Variants in RANGAP1 observed in about 807,000 individuals in gnomAD.
The protein encoded by RANGAP1 is ran GTPase-activating protein 1.
A neutral mutation model predicts 63.5 loss-of-function variants in RANGAP1; 38 were observed. That is an observed-to-expected ratio of 0.60 (90% CI 0.46 to 0.78). RANGAP1 has a LOEUF of 0.78. Among genes scored for constraint, RANGAP1 ranks in the 30% least tolerant of loss-of-function variants. The pLI, the probability that RANGAP1 is intolerant of heterozygous loss-of-function variation, is 0.00. For missense variants in RANGAP1, 630 were observed against 740.3 expected (o/e 0.85, Z 1.73); for synonymous variants, 329 against 310.5 (o/e 1.06, Z -0.63).
chr22:41,301,019 C>CA, the RANGAP1 span, among the ~76,000 whole-genome samples: 1 of 152,152 alleles, frequency 6.6e-6, no homozygotes, highest in Non-Finnish European at 1.5e-5. Context: ...AAACCCACTG[C>CA]AGTGGTCCCT....
At chr22:41,256,905 T>A in intron 7 of RANGAP1, 81 bp from the exon 8 acceptor site, 1 of 1,047,406 alleles carries the variant, frequency 9.5e-7, no homozygotes, top group Non-Finnish European at 1.4e-6. Context: ...CCCCACACGG[T>A]CACATCCCAA....
intron 10 of RANGAP1, among the ~76,000 whole-genome samples, chr22:41,255,083 G>C (rs2033738081): frequency 6.6e-6 from 1 of 151,964 alleles, no homozygotes; most frequent in Admixed American, 6.6e-5. Flanking sequence ...GTCACACCTA[G>C]AGCCCAGGGC....
the RANGAP1 span, among the ~76,000 whole-genome samples, chr22:41,295,461 A>G: frequency 1.7e-4 from 26 of 152,114 alleles, no homozygotes; most frequent in East Asian, 7.7e-4. Context: ...GATTAAGGGC[A>G]GTGCAAGATG....
chr22:41,288,183 C>T (rs780914845), upstream of RANGAP1, among the ~76,000 whole-genome samples: 5 of 152,076 alleles, frequency 3.3e-5, no homozygotes, highest in Non-Finnish European at 7.4e-5. Flanking sequence ...ATCCTCTTTC[C>T]ACCTTCCCTC....
At chr22:41,271,918 AGAG>A (rs1158855410) in intron 3 of RANGAP1, among the ~76,000 whole-genome samples, 1 of 152,186 alleles carries the variant, frequency 6.6e-6, no homozygotes, top group Non-Finnish European at 1.5e-5. Context: ...CTTCCTGCAC[AGAG>A]GAGGGCCTAG....
chr22:41,295,725 T>A, the RANGAP1 span, among the ~76,000 whole-genome samples: 1 of 148,926 alleles, frequency 6.7e-6, no homozygotes, highest in African/African-American at 2.5e-5. Context: ...AAGAAAAATC[T>A]ACTTCTGGAG....
At chr22:41,295,048 G>A in the RANGAP1 span, among the ~76,000 whole-genome samples, 1 of 147,102 alleles carries the variant, frequency 6.8e-6, no homozygotes, top group Non-Finnish European at 1.5e-5. Context: ...CCCCCGCCCG[G>A]CCAGCCGCCC....
At chr22:41,272,245 G>C (rs150696271) in intron 3 of RANGAP1, among the ~76,000 whole-genome samples, 132 of 152,178 alleles carry the variant, frequency 8.7e-4, no homozygotes, top group African/African-American at 3.2e-3. Context: ...GCTGAGTTCT[G>C]AGTTCTTTGG....
chr22:41,262,232 G>A (rs1164929603), intron 5 of RANGAP1, among the ~76,000 whole-genome samples: 2 of 152,180 alleles, frequency 1.3e-5, no homozygotes, highest in African/African-American at 2.4e-5. Context: ...GTGCCAGGAA[G>A]TAGCTTCTAC....
intron 8 of RANGAP1, 60 bp downstream of exon 8, chr22:41,256,651 C>T: frequency 6.7e-7 from 1 of 1,488,058 alleles, no homozygotes; most frequent in South Asian, 1.2e-5. Context: ...CCCCTGTGCC[C>T]CCAGCCGCCC....
In RANGAP1 at chr22:41,249,835, C is replaced by T; in HGVS notation, c.1484-18G>A. 1.2e-6 allele frequency: 2 copies of T among 1,604,902 alleles called. No individual in the cohort carries two copies. Among genetic ancestry groups the T allele is most frequent in the South Asian group, 1.1e-5 (1 of 90,852 alleles). ...CAGGGCATCTGTAGGGCAGAAGCAG[C>T]AGGGGCAGGCTGCTGGCTATGGCAG... On this transcript the variant is annotated intron_variant, in intron 13 of 15. Transcript: ENST00000356244.
Position 41,256,028 on chromosome 22 carries a change from A to G in RANGAP1, c.1066T>C (p.Ser356Pro). 6.2e-7 allele frequency: 1 copy of G among 1,613,474 alleles called. No individual in the cohort carries two copies. The highest frequency in any genetic ancestry group is 8.5e-7 in the Non-Finnish European group (1 of 1,180,022). ...CCACCCCGAGTTCCCTACCTGAGGGACGCCAGCACCTTGGCCATGTTGAAG... is the reference window on the plus strand; with the variant it reads ...CCACCCCGAGTTCCCTACCTGAGGGGCGCCAGCACCTTGGCCATGTTGAAG... ...EGFNMAKVLASLSDDEDEEEE... is the reference protein window; with the variant it reads ...EGFNMAKVLAPLSDDEDEEEE... The change falls in exon 10 of 16, where the codon TCC (serine) becomes CCC (proline). Residue 356 changes from serine (S) to proline (P), a missense_variant. By Grantham distance (74) the Ser-to-Pro change is moderately conservative. Coordinates refer to ENST00000356244, the MANE Select transcript of RANGAP1 (RefSeq NM_002883.4).
At chr22:41,250,679 G>C (rs1351486354) in intron 13 of RANGAP1, among the ~76,000 whole-genome samples, 1 of 152,188 alleles carries the variant, frequency 6.6e-6, no homozygotes, top group Non-Finnish European at 1.5e-5. Flanking sequence ...ACAAGGGCTT[G>C]GCTCTCACCA....
chr22:41,265,509 C>A (rs1415223154), intron 4 of RANGAP1, among the ~76,000 whole-genome samples: 1 of 152,170 alleles, frequency 6.6e-6, no homozygotes, highest in Non-Finnish European at 1.5e-5. Flanking sequence ...AGGGGACATG[C>A]AGAAGCTGTT....
intron 2 of RANGAP1, among the ~76,000 whole-genome samples, chr22:41,277,707 C>A (rs771805400): frequency 5.1e-4 from 78 of 152,198 alleles, no homozygotes; most frequent in Non-Finnish European, 1.1e-3. Flanking sequence ...CGGGTACCTT[C>A]ACTTCCAGAT....
chr22:41,296,624 G>C, the RANGAP1 span, among the ~76,000 whole-genome samples: 1 of 150,196 alleles, frequency 6.7e-6, no homozygotes, highest in Non-Finnish European at 1.5e-5. Context: ...TCTAGCCTGG[G>C]TGACAGAGTG....
intron 11 of RANGAP1, among the ~76,000 whole-genome samples, chr22:41,253,512 C>A (rs1326432271): frequency 1.3e-5 from 2 of 152,158 alleles, no homozygotes; most frequent in Non-Finnish European, 2.9e-5. Context: ...TACTTAGGAA[C>A]CTGACAGGGA....
In RANGAP1 at chr22:41,249,543, A is replaced by G. The variant is rs1267347179; in HGVS notation, c.1573-92T>C. On this transcript the variant is annotated intron_variant, in intron 14 of 15. Coordinates refer to ENST00000356244, the MANE Select transcript of RANGAP1 (RefSeq NM_002883.4). ...CATCCAGACTCTGCTGATAGTGCCC[A>G]CAACTGAGTCTAGCCGGAATCTCAT... 4.4e-6 allele frequency: 7 copies of G among 1,579,712 alleles called. No individual in the cohort carries two copies. In the Admixed American group the frequency reaches 1.2e-4, roughly 27 times the overall value.
intron 13 of RANGAP1, 97 bp from the exon 14 acceptor site, chr22:41,249,914 G>T: frequency 9.4e-7 from 1 of 1,069,158 alleles, no homozygotes; most frequent in Non-Finnish European, 1.4e-6. Flanking sequence ...ACACAGGCTC[G>T]CCTGCCTCCT....
Sources: allele counts gnomAD v4.1 joint callset (sites outside exome capture counted in the v4.1 genomes callset), GRCh38; gene constraint gnomAD v4.1.1; transcripts MANE v1.5; gene names NCBI Gene and HGNC (gene_info 2026-07-23, HGNC 2026-07-21).